The following CTNNA3 variants were observed in gnomAD, a reference collection of about 807,000 sequenced individuals.
The protein encoded by CTNNA3 is catenin alpha 3.
A neutral mutation model predicts 95.7 loss-of-function variants in CTNNA3; 76 were observed. The ratio of observed to expected loss-of-function variants is 0.79; its 90% CI spans 0.66 to 0.96. The LOEUF (loss-of-function observed/expected upper bound fraction) is 0.96, where lower values mean the gene tolerates loss of function less well. Ranked by LOEUF, CTNNA3 falls within the 40% of genes least tolerant of loss-of-function variation. The pLI is 0.00. For synonymous variants in CTNNA3, 431 were observed against 374.4 expected (o/e 1.15, Z -1.74); for missense variants, 1,191 against 1,089.8 (o/e 1.09, Z -1.31).
chr10:66,126,129 A>G (rs1394680633), intron 13 of CTNNA3, among the ~76,000 whole-genome samples: 1 of 152,230 alleles, frequency 6.6e-6, no homozygotes. Context: ...CTGATCTAAT[A>G]AACTTTGAAA....
intron 7 of CTNNA3, among the ~76,000 whole-genome samples, chr10:66,967,430 A>C (rs1303749225): frequency 6.6e-6 from 1 of 151,914 alleles, no homozygotes; most frequent in African/African-American, 2.4e-5. Context: ...ATATATACAC[A>C]TAGCATGCAT....
At chr10:67,701,556 T>C (rs1253440826) in intron 1 of CTNNA3, among the ~76,000 whole-genome samples, 3 of 152,122 alleles carry the variant, frequency 2.0e-5, no homozygotes, top group Non-Finnish European at 4.4e-5. Context: ...AATAAAATAC[T>C]TTACAGACAA....
chr10:67,638,182 A>G (rs557152189), intron 2 of CTNNA3, among the ~76,000 whole-genome samples: 94 of 152,322 alleles, frequency 6.2e-4, no homozygotes, highest in Non-Finnish European at 9.4e-4. Context: ...TACCAAGCAA[A>G]TGGAAAACAA....
chr10:66,233,488 G>T (rs1406405501), intron 13 of CTNNA3, among the ~76,000 whole-genome samples: 1 of 152,056 alleles, frequency 6.6e-6, no homozygotes, highest in East Asian at 1.9e-4. Context: ...TTAAAAATCA[G>T]ATAACTTATT....
chr10:67,130,949 A>G (rs1433335352), intron 7 of CTNNA3, among the ~76,000 whole-genome samples: 1 of 152,116 alleles, frequency 6.6e-6, no homozygotes, highest in Non-Finnish European at 1.5e-5. Context: ...AAGGTGAGGA[A>G]ATGAATCAAG....
chr10:67,135,980 G>T (rs887034335), intron 7 of CTNNA3, among the ~76,000 whole-genome samples: 13 of 152,110 alleles, frequency 8.5e-5, no homozygotes, highest in African/African-American at 3.1e-4. Context: ...TCACATAATG[G>T]TTATAGAATA....
At chr10:66,862,865 G>A (rs950649622) in intron 7 of CTNNA3, among the ~76,000 whole-genome samples, 2 of 152,098 alleles carry the variant, frequency 1.3e-5, no homozygotes, top group Non-Finnish European at 2.9e-5. Flanking sequence ...TAAGGTGGGT[G>A]GGCCATATCC....
At chr10:67,050,222 C>T (rs1854998975) in intron 7 of CTNNA3, among the ~76,000 whole-genome samples, 1 of 152,184 alleles carries the variant, frequency 6.6e-6, no homozygotes, top group Non-Finnish European at 1.5e-5. Flanking sequence ...AAGAGGAAAG[C>T]ATTATTCCCA....
At chr10:67,559,397 T>C (rs548062266) in intron 3 of CTNNA3, among the ~76,000 whole-genome samples, 2 of 152,290 alleles carry the variant, frequency 1.3e-5, no homozygotes, top group South Asian at 4.1e-4. Context: ...AGTGGACCTC[T>C]AGAAAACTCC....
intron 15 of CTNNA3, among the ~76,000 whole-genome samples, chr10:66,001,879 A>G (rs1200334923): frequency 1.3e-5 from 2 of 152,094 alleles, no homozygotes; most frequent in African/African-American, 4.8e-5. Context: ...GTACTTTGCA[A>G]GTCTTGTCCA....
chr10:67,089,578 T>C (rs1857505805), intron 7 of CTNNA3, among the ~76,000 whole-genome samples: 1 of 151,998 alleles, frequency 6.6e-6, no homozygotes, highest in Admixed American at 6.6e-5. Context: ...TTCTCAGCAA[T>C]ATGGACTCTT....
At chr10:66,149,519 T>C (rs1371609012) in intron 13 of CTNNA3, among the ~76,000 whole-genome samples, 1 of 151,494 alleles carries the variant, frequency 6.6e-6, no homozygotes, top group Non-Finnish European at 1.5e-5. Context: ...GAATTCACTA[T>C]ACAATTATAT....
chr10:66,941,696 G>C (rs1013485183), intron 7 of CTNNA3, among the ~76,000 whole-genome samples: 8 of 152,182 alleles, frequency 5.3e-5, no homozygotes, highest in African/African-American at 1.9e-4. Flanking sequence ...AACAGCTGCA[G>C]CCTTGACCGC....
chr10:66,763,474 T>C lies in CTNNA3; in HGVS notation c.1281+2790A>G, dbSNP rs571582469. Among the ~76,000 whole-genome samples, 308 of 37,510 alleles carry C rather than the reference T, an allele frequency of 8.2e-3. 1 individual carries two copies. Among genetic ancestry groups the C allele is most frequent in the African/African-American group, 0.01 (33 of 3,162 alleles). 24.6% of individuals were successfully genotyped at this position (37,510 alleles called of 152,430 possible). A position where few individuals can be genotyped will look rare whatever the true frequency, so the allele number is the denominator to read the frequency against. On this transcript the variant is annotated intron_variant, in intron 9 of 17. Transcript: ENST00000433211. ...ATCTATAAGTCTGTAAGTCTCTCAG[T>C]TGAAAAAAAAATTGTTACATCATAG...
chr10:66,767,627 A>G (rs1236612451), intron 8 of CTNNA3, among the ~76,000 whole-genome samples: 1 of 152,046 alleles, frequency 6.6e-6, no homozygotes, highest in South Asian at 2.1e-4. Flanking sequence ...TCAAAGTTAC[A>G]TTTTAGAGTA....
Position 67,180,512 on chromosome 10 carries a change from A to G in CTNNA3, c.852T>C (p.Ile284=). The G allele has an allele frequency of 6.2e-7, 1 of 1,612,760 alleles. No homozygotes were observed. The highest frequency in any genetic ancestry group is 2.2e-5 in the East Asian group (1 of 44,834). The stretch of plus-strand genomic sequence containing the variant: ...CAGTTACTGTGAGTGGATTCAGGAC[A>G]ATTAAATTCTAAGAGAAGAACACAT... ...GSALDELENL[I]VLNPLTVTEE... The change falls in exon 7 of 18, where the codon ATT becomes ATC. Residue 284 remains isoleucine, a synonymous_variant. Coordinates refer to ENST00000433211, the MANE Select transcript of CTNNA3 (RefSeq NM_013266.4).
chr10:66,888,737 T>C (rs1432686690), intron 7 of CTNNA3, among the ~76,000 whole-genome samples: 1 of 152,162 alleles, frequency 6.6e-6, no homozygotes, highest in East Asian at 1.9e-4. Flanking sequence ...GGCAAGGATA[T>C]GAAACAACAG....
At chr10:67,573,888 T>A (rs1297119403) in intron 3 of CTNNA3, among the ~76,000 whole-genome samples, 2 of 152,288 alleles carry the variant, frequency 1.3e-5, no homozygotes, top group Middle Eastern at 6.8e-3. Context: ...TATAACTTAG[T>A]TTTAGGAAAG....
chr10:67,040,444 T>C (rs1206317134), intron 7 of CTNNA3, among the ~76,000 whole-genome samples: 2 of 152,050 alleles, frequency 1.3e-5, no homozygotes, highest in African/African-American at 2.4e-5. Flanking sequence ...AGTATCCAAT[T>C]TGTCATCACA....
Sources: gnomAD v4.1 joint callset for allele counts (sites outside exome capture counted in the v4.1 genomes callset) on GRCh38, gnomAD v4.1.1 for gene constraint, MANE v1.5 for transcripts, NCBI Gene and HGNC (gene_info 2026-07-23, HGNC 2026-07-21) for gene names.